IL34: variants seen among roughly 807,000 people sequenced by gnomAD.
The protein encoded by IL34 is interleukin 34, also known as interleukin-34.
IL34 carries 17 observed loss-of-function variants against 25.3 expected under a neutral mutation model. That is an observed-to-expected ratio of 0.67 (90% confidence interval 0.46 to 1.01). The LOEUF (loss-of-function observed/expected upper bound fraction) is 1.01. Ranked by LOEUF, IL34 falls within the 50% of genes least tolerant of loss-of-function variation. IL34 has a pLI of 0.00. For missense variants in IL34, 368 were observed against 312.9 expected, an observed-to-expected ratio of 1.18 and a Z score of -1.33; for synonymous variants, 174 against 140.9, an observed-to-expected ratio of 1.23 and a Z score of -1.66.
chr16:70,613,447 G>T (rs1427000694), intron 1 of IL34, among the ~76,000 whole-genome samples: 3 of 152,148 alleles, frequency 2.0e-5, no homozygotes, highest in African/African-American at 7.2e-5. Flanking sequence ...AGTGCCCTTG[G>T]CAAGTCACTT....
intron 1 of IL34, among the ~76,000 whole-genome samples, chr16:70,650,541 C>T (rs1463900353): frequency 2.6e-5 from 4 of 152,110 alleles, no homozygotes; most frequent in South Asian, 4.1e-4. Context: ...GTGAAGTAGA[C>T]GGCCAATGGT....
rs772518810 is a variant in IL34 at position 70,657,091 on chromosome 16, G to T, written c.372G>T (p.Thr124=). 5.0e-6 allele frequency: 8 copies of T among 1,612,954 alleles called. No individual in the cohort carries two copies. Among genetic ancestry groups the T allele is most frequent in the African/African-American group, 1.3e-5 (1 of 74,854 alleles). ...GGAAGTACCTGCAGGAGGTGGAGAC[G>T]CTGCTGCTGAATGTCCAGCAGGGCC... The part of the protein sequence containing the change: ...PSWKYLQEVE[T]LLLNVQQGLT... The change falls in exon 4 of 6, where the codon ACG becomes ACT. Residue 124 remains threonine, a synonymous_variant. Coordinates refer to ENST00000288098, the MANE Select transcript of IL34 (RefSeq NM_001393494.1).
intron 1 of IL34, among the ~76,000 whole-genome samples, chr16:70,623,786 T>C (rs1597754320): frequency 6.6e-6 from 1 of 151,058 alleles, no homozygotes; most frequent in East Asian, 1.9e-4. Context: ...ACTGGGCAGG[T>C]GGGGATAACT....
At chr16:70,607,197 G>T (rs541697073) in intron 1 of IL34, among the ~76,000 whole-genome samples, 1 of 152,276 alleles carries the variant, frequency 6.6e-6, no homozygotes, top group South Asian at 2.1e-4. Context: ...TACCTCCTGG[G>T]TTCACGCTAT....
chr16:70,593,931 A>T (rs375996859), intron 1 of IL34, among the ~76,000 whole-genome samples: 1 of 152,314 alleles, frequency 6.6e-6, no homozygotes, highest in East Asian at 1.9e-4. Context: ...TTTGTCAAAG[A>T]TCAGTTGACT....
chr16:70,597,652 A>T (rs542216646), intron 1 of IL34, among the ~76,000 whole-genome samples: 1 of 152,358 alleles, frequency 6.6e-6, no homozygotes, highest in African/African-American at 2.4e-5. Context: ...CAGCTGTTTA[A>T]TTCCTAAAGG....
chr16:70,642,321 G>C (rs142684936), upstream of IL34, among the ~76,000 whole-genome samples: 1 of 138,034 alleles, frequency 7.2e-6, no homozygotes, highest in South Asian at 2.3e-4. Flanking sequence ...TTTTTGAGAC[G>C]GAGTCTCACT....
At chr16:70,610,331 T>C (rs1332225757) in intron 1 of IL34, among the ~76,000 whole-genome samples, 1 of 152,154 alleles carries the variant, frequency 6.6e-6, no homozygotes, top group African/African-American at 2.4e-5. Context: ...ATCCTAGTCT[T>C]GTGCCTGTTT....
intron 1 of IL34, among the ~76,000 whole-genome samples, chr16:70,652,958 C>A (rs1188582107): frequency 6.6e-6 from 1 of 152,122 alleles, no homozygotes; most frequent in Non-Finnish European, 1.5e-5. Flanking sequence ...AAATCCAGCA[C>A]TTTGGGAGGC....
intron 1 of IL34, among the ~76,000 whole-genome samples, chr16:70,610,758 G>A (rs980884716): frequency 7.2e-5 from 11 of 152,194 alleles, no homozygotes; most frequent in African/African-American, 2.7e-4. Flanking sequence ...AAGAGATAAG[G>A]CAAAGTCCTC....
At chr16:70,637,911 C>G (rs1160859463) in intron 1 of IL34, among the ~76,000 whole-genome samples, 11 of 152,192 alleles carry the variant, frequency 7.2e-5, no homozygotes, top group Non-Finnish European at 1.5e-4. Flanking sequence ...ATTTTGCTAA[C>G]TGCTTTTCTG....
At chr16:70,607,124 CAG>C (rs1294254199) in intron 1 of IL34, among the ~76,000 whole-genome samples, 6 of 151,948 alleles carry the variant, frequency 3.9e-5, no homozygotes, top group African/African-American at 1.4e-4. Context: ...TTTTTTGAGA[CAG>C]AGTCTCGCTC....
At chr16:70,613,509 T>C (rs1350856911) in intron 1 of IL34, among the ~76,000 whole-genome samples, 1 of 152,202 alleles carries the variant, frequency 6.6e-6, no homozygotes, top group African/African-American at 2.4e-5. Flanking sequence ...GAGTTGGCTA[T>C]TCCGGAACCT....
chr16:70,590,891 C>T (rs2050746462), intron 1 of IL34, among the ~76,000 whole-genome samples: 1 of 152,194 alleles, frequency 6.6e-6, no homozygotes, highest in South Asian at 2.1e-4. Context: ...CCCTGCCACC[C>T]CCACAGTACA....
upstream of IL34, among the ~76,000 whole-genome samples, chr16:70,644,901 G>A (rs952705806): frequency 7.3e-6 from 1 of 136,800 alleles, no homozygotes; most frequent in African/African-American, 2.8e-5. Flanking sequence ...AGAGGAAGGA[G>A]GAAGAGGAGG....
chr16:70,653,657 T>TA (rs1341697409), intron 1 of IL34, among the ~76,000 whole-genome samples: 1 of 152,042 alleles, frequency 6.6e-6, no homozygotes, highest in Admixed American at 6.6e-5. Flanking sequence ...ATGATCCCAC[T>TA]ACTGCACTCC....
At chr16:70,638,917 G>T (rs544475105) in intron 1 of IL34, among the ~76,000 whole-genome samples, 1 of 152,262 alleles carries the variant, frequency 6.6e-6, no homozygotes, top group Non-Finnish European at 1.5e-5. Flanking sequence ...ACTGGTTTAA[G>T]TAAAAAAAGT....
At position 70,620,497 on chromosome 16, in the gene IL34, G is replaced by A. The variant is rs534272884; in HGVS notation, c.-400-26051G>A. Reference sequence around the variant, plus strand: ...GAGGCTGAGGAAGAATTGGGACCTAGCTCAGCCTGGCGAGGAGGGGAGAGG... The same window carrying A: ...GAGGCTGAGGAAGAATTGGGACCTAACTCAGCCTGGCGAGGAGGGGAGAGG... On this transcript the variant is annotated intron_variant, in intron 1 of 6. Coordinates refer to the IL34 transcript ENST00000429149. Among the ~76,000 whole-genome samples, 132 of 152,172 alleles carry A rather than the reference G, an allele frequency of 8.7e-4. 1 individual carries two copies. The highest frequency in any genetic ancestry group is 3.0e-3 in the African/African-American group (124 of 41,496).
chr16:70,587,951 A>G (rs1402030268), intron 1 of IL34, among the ~76,000 whole-genome samples: 1 of 152,072 alleles, frequency 6.6e-6, no homozygotes, highest in Non-Finnish European at 1.5e-5. Flanking sequence ...AGGAATGAGA[A>G]TCACTTGAAC....
Sources: gnomAD v4.1 joint callset for allele counts (sites outside exome capture counted in the v4.1 genomes callset) on GRCh38, gnomAD v4.1.1 for gene constraint, MANE v1.5 for transcripts, NCBI Gene and HGNC (gene_info 2026-07-23, HGNC 2026-07-21) for gene names.